ANO3: variants seen among roughly 807,000 people sequenced by gnomAD.
ANO3 encodes anoctamin-3.
A neutral mutation model predicts 144.8 loss-of-function variants in ANO3; 99 were observed. That is an observed-to-expected ratio of 0.68 (90% CI 0.58 to 0.81). ANO3 has a LOEUF of 0.81. Ranked by LOEUF, ANO3 falls within the 30% of genes least tolerant of loss-of-function variation. ANO3 has a pLI of 0.00. For missense variants in ANO3, 905 were observed against 1,202.2 expected (o/e 0.75, Z 3.66); for synonymous variants, 414 against 392.6 (o/e 1.05, Z -0.64).
intron 1 of ANO3, among the ~76,000 whole-genome samples, chr11:26,304,448 T>C (rs917277952): frequency 3.9e-5 from 6 of 152,140 alleles, no homozygotes; most frequent in Non-Finnish European, 8.8e-5. Context: ...AACACTTATT[T>C]AACTTTTTTT....
intron 4 of ANO3, among the ~76,000 whole-genome samples, chr11:26,468,469 G>C (rs888001876): frequency 6.6e-6 from 1 of 151,922 alleles, no homozygotes; most frequent in African/African-American, 2.4e-5. Flanking sequence ...AGATCACAAG[G>C]CCATTCACTT....
intron 1 of ANO3, among the ~76,000 whole-genome samples, chr11:26,236,547 C>T (rs1181500041): frequency 6.6e-6 from 1 of 152,032 alleles, no homozygotes; most frequent in Non-Finnish European, 1.5e-5. Context: ...GGCCGGGGGC[C>T]GCGGCTCATG....
intron 1 of ANO3, among the ~76,000 whole-genome samples, chr11:26,419,104 CA>C (rs1185357214): frequency 2.9e-5 from 4 of 135,844 alleles, no homozygotes; most frequent in African/African-American, 1.2e-4. Flanking sequence ...AGGAAACTTA[CA>C]ATCATGGCAG....
chr11:26,629,304 C>A (rs1590652618), intron 18 of ANO3, among the ~76,000 whole-genome samples: 1 of 152,254 alleles, frequency 6.6e-6, no homozygotes, highest in South Asian at 2.1e-4. Context: ...GAGCTCGCCT[C>A]TGTGAAACCT....
intron 1 of ANO3, among the ~76,000 whole-genome samples, chr11:26,436,342 G>C (rs1014628760): frequency 1.3e-5 from 2 of 152,184 alleles, no homozygotes; most frequent in African/African-American, 4.8e-5. Flanking sequence ...AGTCCCAGCA[G>C]GGGGTGGACC....
At chr11:26,627,476 A>T (rs1382485945) in intron 18 of ANO3, among the ~76,000 whole-genome samples, 1 of 152,034 alleles carries the variant, frequency 6.6e-6, no homozygotes, top group Non-Finnish European at 1.5e-5. Context: ...GCAATGGTCC[A>T]GTTCATTGTT....
At chr11:26,323,476 A>G (rs1382959148) in intron 1 of ANO3, among the ~76,000 whole-genome samples, 1 of 152,098 alleles carries the variant, frequency 6.6e-6, no homozygotes. Flanking sequence ...ATGGCTGGAT[A>G]AATTGCTTGG....
chr11:26,465,644 T>C (rs567307324), intron 4 of ANO3, among the ~76,000 whole-genome samples: 12 of 151,848 alleles, frequency 7.9e-5, no homozygotes, highest in Admixed American at 7.2e-4. Flanking sequence ...TAACCCCAAG[T>C]CCTGCAACCT....
At chr11:26,279,446 A>G (rs1312050855) in intron 1 of ANO3, among the ~76,000 whole-genome samples, 1 of 152,212 alleles carries the variant, frequency 6.6e-6, no homozygotes, top group Non-Finnish European at 1.5e-5. Context: ...CATGTATATG[A>G]AAAAGATTTC....
At chr11:26,604,846 TCATGTCATCTGCAAA>T (rs1851891718) in intron 17 of ANO3, among the ~76,000 whole-genome samples, 1 of 152,192 alleles carries the variant, frequency 6.6e-6, no homozygotes, top group Non-Finnish European at 1.5e-5. Context: ...AAATGTAGAA[TCATGTCATCTGCAAA>T]CACAGACAAT....
At chr11:26,191,517 T>C (rs1352669907) in intron 1 of ANO3, among the ~76,000 whole-genome samples, 1 of 152,114 alleles carries the variant, frequency 6.6e-6, no homozygotes, top group African/African-American at 2.4e-5. Context: ...CTAGGAAATA[T>C]TTCCCGAAGC....
At chr11:26,654,652 C>T (rs1216039313) in intron 24 of ANO3, among the ~76,000 whole-genome samples, 2 of 151,926 alleles carry the variant, frequency 1.3e-5, no homozygotes, top group East Asian at 1.9e-4. Flanking sequence ...ACAAGGGAAA[C>T]GTTTGTCTTC....
chr11:26,569,038 A>G (rs1021231532), intron 14 of ANO3, among the ~76,000 whole-genome samples: 20 of 151,858 alleles, frequency 1.3e-4, no homozygotes, highest in African/African-American at 4.8e-4. Flanking sequence ...CTGTTCTTCT[A>G]TTTTTCTTAT....
intron 5 of ANO3, 59 bp from the exon 6 acceptor site, chr11:26,516,767 TG>T: frequency 8.5e-7 from 1 of 1,173,430 alleles, no homozygotes; most frequent in Non-Finnish European, 1.3e-6. Flanking sequence ...AATCAAACTG[TG>T]GCATGATATC....
intron 11 of ANO3, among the ~76,000 whole-genome samples, chr11:26,542,641 G>A (rs555797108): frequency 1.3e-5 from 2 of 152,198 alleles, no homozygotes; most frequent in East Asian, 3.9e-4. Context: ...TCACATGTTT[G>A]TATATATTTA....
chr11:26,348,925 G>A (rs889934748), intron 1 of ANO3, among the ~76,000 whole-genome samples: 2 of 152,180 alleles, frequency 1.3e-5, no homozygotes, highest in African/African-American at 2.4e-5. Context: ...ATGAGGAAAT[G>A]GTTTTTTGGG....
At chr11:26,443,741 A>G (rs1858609990) in intron 2 of ANO3, 24 bp from the exon 3 acceptor site, 11 of 1,492,098 alleles carry the variant, frequency 7.4e-6, no homozygotes, top group Non-Finnish European at 1.0e-5. Context: ...TCCCAAAACT[A>G]CAAAGTATCT....
chr11:26,513,957 G>A (rs1176636468), intron 5 of ANO3, among the ~76,000 whole-genome samples: 1 of 151,752 alleles, frequency 6.6e-6, no homozygotes, highest in Non-Finnish European at 1.5e-5. Context: ...CTCTCTCCTT[G>A]AATAACCTCT....
At chr11:26,579,262 A>G (rs528755330) in intron 14 of ANO3, among the ~76,000 whole-genome samples, 1 of 152,204 alleles carries the variant, frequency 6.6e-6, no homozygotes, top group Non-Finnish European at 1.5e-5. Context: ...AAAAGTTATT[A>G]TAGCTAAATA....
Sources: gnomAD v4.1 joint callset for allele counts (sites outside exome capture counted in the v4.1 genomes callset) on GRCh38, gnomAD v4.1.1 for gene constraint, MANE v1.5 for transcripts, NCBI Gene and HGNC (gene_info 2026-07-23, HGNC 2026-07-21) for gene names.